SYT12: variants seen among roughly 807,000 people sequenced by gnomAD.
SYT12 encodes synaptotagmin 12.
In SYT12, 27 loss-of-function variants were observed where a neutral mutation model predicts 39.5. That is an observed-to-expected ratio of 0.68 (90% CI 0.50 to 0.94). The LOEUF is 0.94. Among genes scored for constraint, SYT12 ranks in the 40% least tolerant of loss-of-function variants. The pLI is 0.00. For missense variants in SYT12, 536 were observed against 572.6 expected (o/e 0.94, Z 0.65); for synonymous variants, 233 against 239.7 (o/e 0.97, Z 0.26).
exon 1 of SYT12, chr11:67,007,338 G>A (rs1188358021): frequency 6.6e-6 from 1 of 152,292 alleles, no homozygotes; most frequent in Non-Finnish European, 1.5e-5. Context: ...CCTTCCCAGG[G>A]ACTGCACCAT....
intron 4 of SYT12, among the ~76,000 whole-genome samples, chr11:67,041,689 G>T (rs1950515419): frequency 6.6e-6 from 1 of 152,130 alleles, no homozygotes; most frequent in Non-Finnish European, 1.5e-5. Flanking sequence ...GGCTACCTTG[G>T]TGGAAGCTCT....
upstream of SYT12, chr11:67,022,930 A>G (rs1030447435): frequency 6.6e-6 from 1 of 152,214 alleles, no homozygotes; most frequent in Non-Finnish European, 1.5e-5. Flanking sequence ...TTTAAGGTAA[A>G]GAAACTGAGG....
chr11:67,010,981 C>G (rs1263575360), exon 3 of SYT12: 2 of 152,116 alleles, frequency 1.3e-5, no homozygotes, highest in Non-Finnish European at 2.9e-5. Context: ...CACAAACAAA[C>G]ATCATATTTC....
intron 3 of SYT12, among the ~76,000 whole-genome samples, chr11:67,017,500 C>T (rs1032814318): frequency 1.6e-4 from 24 of 151,776 alleles, no homozygotes; most frequent in Non-Finnish European, 3.4e-4. Context: ...GCTGGGATTA[C>T]AGATGCCTGC....
chr11:67,008,039 C>T (rs1017387168), intron 1 of SYT12, among the ~76,000 whole-genome samples: 12 of 151,322 alleles, frequency 7.9e-5, no homozygotes, highest in South Asian at 6.3e-4. Flanking sequence ...GTGCAACCTC[C>T]GCCTCCCGGG....
At chr11:67,025,892 G>A (rs1041499727) in intron 1 of SYT12, among the ~76,000 whole-genome samples, 3 of 152,074 alleles carry the variant, frequency 2.0e-5, no homozygotes, top group Non-Finnish European at 4.4e-5. Context: ...TGGAAGAGGG[G>A]CTGGACTGGG....
chr11:67,026,109 C>T (rs960848459), intron 1 of SYT12, among the ~76,000 whole-genome samples: 3 of 151,974 alleles, frequency 2.0e-5, no homozygotes, highest in African/African-American at 7.2e-5. Flanking sequence ...GCCCACTTTA[C>T]CAGGCTTATG....
chr11:67,034,602 A>T lies in SYT12; in HGVS notation c.35-43A>T, dbSNP rs376916469. ...TGCTGCTCCCCGGGTGGGGGTCTGT[A>T]TCCACTAGGAAGCCCTAATGAGAGG... On this transcript the variant is annotated intron_variant, in intron 2 of 7. Coordinates refer to ENST00000527043, the MANE Select transcript of SYT12 (RefSeq NM_177963.4). 9.7e-6 allele frequency: 15 copies of T among 1,542,822 alleles called. No individual in the cohort carries two copies. In the African/African-American group the frequency reaches 2.0e-4, roughly 20 times the overall value.
intron 3 of SYT12, among the ~76,000 whole-genome samples, chr11:67,036,341 A>G (rs2260587): frequency 0.029 from 4,377 of 152,308 alleles, 176 homozygotes; most frequent in African/African-American, 0.085. Context: ...ACTAAATGTC[A>G]TGATAAATAA....
chr11:67,046,269 G>C (rs774724704), intron 7 of SYT12, among the ~76,000 whole-genome samples: 50 of 152,146 alleles, frequency 3.3e-4, no homozygotes, highest in Admixed American at 1.3e-4. Context: ...CCATTTCAGG[G>C]TTCTGCTGAA....
intron 4 of SYT12, 33 bp downstream of exon 4, chr11:67,040,236 C>T: frequency 6.5e-7 from 1 of 1,542,788 alleles, no homozygotes. Flanking sequence ...CAGAAGGGTG[C>T]TCTGGGCTCA....
intron 4 of SYT12, among the ~76,000 whole-genome samples, chr11:67,040,479 T>G (rs1950490638): frequency 6.6e-6 from 1 of 152,122 alleles, no homozygotes. Context: ...ATCTGCCCTG[T>G]GTCAACATGG....
intron 2 of SYT12, among the ~76,000 whole-genome samples, chr11:67,033,775 T>C (rs1173795951): frequency 3.3e-5 from 5 of 152,188 alleles, no homozygotes; most frequent in South Asian, 2.1e-4. Context: ...TTGGCTTCCT[T>C]TGGGGAAGCA....
At chr11:67,011,598 G>A (rs756863546) in intron 3 of SYT12, among the ~76,000 whole-genome samples, 1 of 152,034 alleles carries the variant, frequency 6.6e-6, no homozygotes, top group Non-Finnish European at 1.5e-5. Context: ...AGGCATTGCC[G>A]GCTCTTTCCA....
intron 3 of SYT12, among the ~76,000 whole-genome samples, chr11:67,013,913 G>A (rs576265444): frequency 4.6e-5 from 7 of 152,296 alleles, no homozygotes; most frequent in African/African-American, 1.7e-4. Context: ...CGCTCTCCGG[G>A]AGAATCCATC....
At chr11:67,035,793 C>T (rs11227658) in intron 3 of SYT12, among the ~76,000 whole-genome samples, 1,958 of 42,624 alleles carry the variant, frequency 0.046, 111 homozygotes, top group African/African-American at 0.14. Context: ...TCTTTTCTTT[C>T]CTTCCTTCCT....
At chr11:67,019,913 A>T (rs1341546850), upstream of SYT12, among the ~76,000 whole-genome samples, 2 of 149,492 alleles carry the variant, frequency 1.3e-5, no homozygotes, top group African/African-American at 2.5e-5. Flanking sequence ...AAAAAAAAAA[A>T]GTGGCGAGCC....
chr11:67,045,413 C>T (rs949916349), intron 6 of SYT12, among the ~76,000 whole-genome samples: 6 of 152,056 alleles, frequency 3.9e-5, no homozygotes, highest in African/African-American at 7.2e-5. Context: ...TGCGGGTGCC[C>T]GGTGACTCAG....
chr11:67,009,164 C>T (rs1435765515), intron 1 of SYT12, among the ~76,000 whole-genome samples: 1 of 152,126 alleles, frequency 6.6e-6, no homozygotes, highest in Non-Finnish European at 1.5e-5. Flanking sequence ...TGCTACCACG[C>T]CTAGCTAATT....
Sources: allele counts gnomAD v4.1 joint callset (sites outside exome capture counted in the v4.1 genomes callset), GRCh38; gene constraint gnomAD v4.1.1; transcripts MANE v1.5; gene names NCBI Gene and HGNC (gene_info 2026-07-23, HGNC 2026-07-21).